The following CNGB3 variants were observed in gnomAD, a reference collection of about 807,000 sequenced individuals.
CNGB3 encodes the protein cyclic nucleotide-gated channel beta-3.
Under a neutral mutation model 92.8 loss-of-function variants are expected in CNGB3, and 86 were observed. That is an observed-to-expected ratio of 0.93 (90% CI 0.78 to 1.11). The LOEUF (loss-of-function observed/expected upper bound fraction) is 1.11, where lower values mean the gene tolerates loss of function less well. CNGB3 is among the 50% of genes least tolerant of loss of function. The pLI, the probability that CNGB3 is intolerant of heterozygous loss-of-function variation, is 0.00. For synonymous variants in CNGB3, 333 were observed against 332.7 expected, an observed-to-expected ratio of 1.00 and a Z score of -0.01; for missense variants, 1,026 against 956.8, an observed-to-expected ratio of 1.07 and a Z score of -0.95.
At chr8:86,578,205 G>T (rs188022690) in intron 17 of CNGB3, among the ~76,000 whole-genome samples, 1 of 152,030 alleles carries the variant, frequency 6.6e-6, no homozygotes, top group African/African-American at 2.4e-5. Flanking sequence ...CACCGCACCC[G>T]GCCAAGGGTC....
rs776287403 is a variant in CNGB3 at position 86,726,480 on chromosome 8, C to A, written c.338+51G>T. 6 of 1,611,474 alleles carry A rather than the reference C, an allele frequency of 3.7e-6. 1 individual carries two copies. The South Asian group carries it at 5.5e-5, about 15-fold the overall frequency. On this transcript the variant is annotated intron_variant, in intron 3 of 17. Transcript: ENST00000320005. ...GAGTGGATATTTGAGCTCTTTAGGG[C>A]AGGCTGAGCAATATCTCTAAAATAT...
intron 3 of CNGB3, among the ~76,000 whole-genome samples, chr8:86,672,916 A>G (rs376300217): frequency 3.9e-5 from 6 of 152,238 alleles, no homozygotes; most frequent in Admixed American, 2.6e-4. Flanking sequence ...ACCAACGGGC[A>G]GTGAACATAG....
intron 3 of CNGB3, among the ~76,000 whole-genome samples, chr8:86,687,700 C>T (rs921208474): frequency 3.3e-5 from 5 of 151,900 alleles, no homozygotes; most frequent in Non-Finnish European, 7.4e-5. Flanking sequence ...TGAATTTCCC[C>T]TCAATCAATT....
At chr8:86,693,332 T>G (rs1157431734) in intron 3 of CNGB3, among the ~76,000 whole-genome samples, 1 of 152,056 alleles carries the variant, frequency 6.6e-6, no homozygotes, top group Non-Finnish European at 1.5e-5. Flanking sequence ...TTTCCAAACT[T>G]TTGGATTTCT....
At chr8:86,604,979 A>G (rs1330744909) in intron 14 of CNGB3, among the ~76,000 whole-genome samples, 2 of 152,154 alleles carry the variant, frequency 1.3e-5, no homozygotes, top group Admixed American at 1.3e-4. Flanking sequence ...ATGCAGCTAT[A>G]TGCGCCATTT....
chr8:86,685,387 T>A (rs1393725655), intron 3 of CNGB3, among the ~76,000 whole-genome samples: 1 of 152,082 alleles, frequency 6.6e-6, no homozygotes, highest in Non-Finnish European at 1.5e-5. Flanking sequence ...GAATCTGCGT[T>A]TTCACAAGCT....
intron 3 of CNGB3, among the ~76,000 whole-genome samples, chr8:86,683,508 G>A (rs1426596431): frequency 1.3e-5 from 2 of 152,174 alleles, no homozygotes; most frequent in Non-Finnish European, 2.9e-5. Flanking sequence ...CAAGAGAACT[G>A]TACTGGTAGT....
chr8:86,650,130 G>A (rs1024853867), intron 7 of CNGB3, among the ~76,000 whole-genome samples: 4 of 151,554 alleles, frequency 2.6e-5, no homozygotes, highest in African/African-American at 9.7e-5. Flanking sequence ...GTTAAGAAGT[G>A]TACAGAACAG....
intron 14 of CNGB3, among the ~76,000 whole-genome samples, chr8:86,608,599 C>T (rs770761172): frequency 6.6e-6 from 1 of 152,230 alleles, no homozygotes; most frequent in East Asian, 1.9e-4. Flanking sequence ...AGTGGTCAGG[C>T]TCCTAGTCTG....
intron 3 of CNGB3, among the ~76,000 whole-genome samples, chr8:86,676,139 T>G (rs139417345): frequency 6.6e-6 from 1 of 152,204 alleles, no homozygotes; most frequent in Non-Finnish European, 1.5e-5. Context: ...ACTGTGTTTG[T>G]TAGGACTCTA....
At chr8:86,624,597 G>A (rs185373606) in intron 13 of CNGB3, among the ~76,000 whole-genome samples, 10 of 151,810 alleles carry the variant, frequency 6.6e-5, no homozygotes, top group Admixed American at 1.3e-4. Context: ...TCAGGGCATC[G>A]TGTCATCCAT....
chr8:86,675,282 A>G (rs1214128015), intron 3 of CNGB3, among the ~76,000 whole-genome samples: 2 of 152,034 alleles, frequency 1.3e-5, no homozygotes, highest in African/African-American at 4.8e-5. Flanking sequence ...CAGGTTGCTC[A>G]AGCTGGTCTC....
chr8:86,651,923 G>A (rs1389368426), intron 7 of CNGB3, among the ~76,000 whole-genome samples: 1 of 151,928 alleles, frequency 6.6e-6, no homozygotes, highest in East Asian at 1.9e-4. Context: ...GAAATGCATT[G>A]TTAGGTGATT....
chr8:86,659,976 C>T (rs1823601747), intron 6 of CNGB3: 10 of 347,972 alleles, frequency 2.9e-5, no homozygotes, highest in South Asian at 2.5e-4. Context: ...GTCTTGGTTT[C>T]ATCCATGAGA....
chr8:86,729,876 A>G (rs1331759465), intron 2 of CNGB3, among the ~76,000 whole-genome samples: 1 of 152,242 alleles, frequency 6.6e-6, no homozygotes, highest in African/African-American at 2.4e-5. Flanking sequence ...GCAGGATTCC[A>G]GATTTCATAG....
intron 15 of CNGB3, among the ~76,000 whole-genome samples, chr8:86,592,224 A>G (rs551267188): frequency 6.6e-6 from 1 of 152,058 alleles, no homozygotes; most frequent in South Asian, 2.1e-4. Flanking sequence ...GCACCCACTG[A>G]CCTGTGCCCA....
intron 3 of CNGB3, among the ~76,000 whole-genome samples, chr8:86,677,022 C>T (rs889914470): frequency 2.0e-5 from 3 of 152,050 alleles, no homozygotes; most frequent in African/African-American, 4.8e-5. Flanking sequence ...AGAGAAGAGA[C>T]GCAAGGAGAA....
intron 3 of CNGB3, among the ~76,000 whole-genome samples, chr8:86,694,277 C>T (rs1285827240): frequency 6.7e-6 from 1 of 149,798 alleles, no homozygotes; most frequent in Non-Finnish European, 1.5e-5. Context: ...CAAAGGGGCT[C>T]CTCACTTCCC....
chr8:86,659,369 G>A, intron 6 of CNGB3: 2 of 873,578 alleles, frequency 2.3e-6, no homozygotes, highest in South Asian at 2.7e-5. Context: ...GTTCACACTG[G>A]CTTGAGGACT....
Sources: allele counts gnomAD v4.1 joint callset (sites outside exome capture counted in the v4.1 genomes callset), GRCh38; gene constraint gnomAD v4.1.1; transcripts MANE v1.5; gene names NCBI Gene and HGNC (gene_info 2026-07-23, HGNC 2026-07-21).